The following GABRG3 variants were observed in gnomAD, a reference collection of about 807,000 sequenced individuals.
The protein encoded by GABRG3 is gamma-aminobutyric acid receptor subunit gamma-3.
A neutral mutation model predicts 48.8 loss-of-function variants in GABRG3; 25 were observed. The ratio of observed to expected loss-of-function variants is 0.51; its 90% CI spans 0.37 to 0.72. GABRG3 has a LOEUF of 0.72. Among genes scored for constraint, GABRG3 ranks in the 30% least tolerant of loss-of-function variants. GABRG3 has a pLI of 0.00. For missense variants in GABRG3, 394 were observed against 577.9 expected, an observed-to-expected ratio of 0.68 and a Z score of 3.26; for synonymous variants, 227 against 217.6, an observed-to-expected ratio of 1.04 and a Z score of -0.38.
chr15:27,233,500 T>A (rs1358559785), intron 3 of GABRG3, among the ~76,000 whole-genome samples: 1 of 152,050 alleles, frequency 6.6e-6, no homozygotes, highest in Non-Finnish European at 1.5e-5. Flanking sequence ...CCCCTCCAGG[T>A]GTGCAGAAGG....
chr15:27,126,358 T>G (rs950200510), intron 3 of GABRG3, among the ~76,000 whole-genome samples: 11 of 152,236 alleles, frequency 7.2e-5, no homozygotes, highest in African/African-American at 2.7e-4. Flanking sequence ...TTAGGTCTTG[T>G]CTGACTTGGT....
At chr15:27,177,984 C>T (rs960285865) in intron 3 of GABRG3, among the ~76,000 whole-genome samples, 7 of 152,094 alleles carry the variant, frequency 4.6e-5, no homozygotes, top group South Asian at 4.2e-4. Flanking sequence ...GGACTCTTGC[C>T]GGAAGCAGAC....
chr15:27,227,714 A>AT (rs895910254), intron 3 of GABRG3, among the ~76,000 whole-genome samples: 41 of 151,184 alleles, frequency 2.7e-4, no homozygotes, highest in African/African-American at 7.8e-4. Flanking sequence ...AACCATGGCA[A>AT]TTTTTTTTTA....
chr15:27,037,169 T>G (rs1475961397), intron 3 of GABRG3, among the ~76,000 whole-genome samples: 1 of 152,188 alleles, frequency 6.6e-6, no homozygotes, highest in Admixed American at 6.5e-5. Flanking sequence ...GCTGACACCT[T>G]GATCTCGGCC....
At chr15:27,366,418 C>G (rs1895201908) in intron 5 of GABRG3, 1 of 152,160 alleles carries the variant, frequency 6.6e-6, no homozygotes, top group Middle Eastern at 3.2e-3. Flanking sequence ...ATTTCCATGA[C>G]TGGTCTAAAC....
intron 3 of GABRG3, among the ~76,000 whole-genome samples, chr15:27,178,481 G>A (rs1324765471): frequency 3.3e-5 from 5 of 152,140 alleles, no homozygotes; most frequent in African/African-American, 9.7e-5. Flanking sequence ...TGAACTGTAC[G>A]GGGCCAAGGA....
At chr15:27,017,227 T>C (rs1216515503) in intron 2 of GABRG3, among the ~76,000 whole-genome samples, 1 of 152,192 alleles carries the variant, frequency 6.6e-6, no homozygotes, top group Non-Finnish European at 1.5e-5. Flanking sequence ...AAGCCTTTTC[T>C]GGGGATGCGT....
At chr15:27,365,334 C>CACAT (rs1555375084) in intron 5 of GABRG3, 2 of 143,158 alleles carry the variant, frequency 1.4e-5, no homozygotes, top group African/African-American at 5.3e-5. Context: ...CACACACACA[C>CACAT]ACACATATTA....
At chr15:27,311,264 T>C (rs994946064) in intron 3 of GABRG3, among the ~76,000 whole-genome samples, 3 of 151,756 alleles carry the variant, frequency 2.0e-5, no homozygotes, top group Non-Finnish European at 2.9e-5. Flanking sequence ...TCAAAGTCAG[T>C]AGGGAAATTT....
At chr15:27,523,220 A>C (rs553720812) in intron 7 of GABRG3, among the ~76,000 whole-genome samples, 21 of 152,058 alleles carry the variant, frequency 1.4e-4, no homozygotes, top group African/African-American at 5.1e-4. Context: ...CATTTCTGAC[A>C]TGAAAACACA....
chr15:27,440,376 A>G (rs1026197295), intron 5 of GABRG3, among the ~76,000 whole-genome samples: 1 of 152,088 alleles, frequency 6.6e-6, no homozygotes, highest in Admixed American at 6.6e-5. Context: ...TCATCAGTGA[A>G]CCTTTTTTCT....
chr15:27,417,806 C>T (rs1363233699), intron 5 of GABRG3, among the ~76,000 whole-genome samples: 1 of 152,232 alleles, frequency 6.6e-6, no homozygotes, highest in African/African-American at 2.4e-5. Flanking sequence ...GTGCCTGTCA[C>T]TGATATGCGG....
chr15:27,426,754 C>T (rs565691202), intron 5 of GABRG3, among the ~76,000 whole-genome samples: 1 of 152,274 alleles, frequency 6.6e-6, no homozygotes, highest in African/African-American at 2.4e-5. Flanking sequence ...ATCATTTGAG[C>T]CCAAGGCTGT....
intron 3 of GABRG3, among the ~76,000 whole-genome samples, chr15:27,294,547 A>G (rs547995401): frequency 2.0e-5 from 3 of 152,222 alleles, no homozygotes; most frequent in Admixed American, 6.5e-5. Flanking sequence ...TGGTTCACCA[A>G]TGTCATTTCT....
intron 3 of GABRG3, among the ~76,000 whole-genome samples, chr15:27,255,248 T>C (rs1890576617): frequency 6.6e-6 from 1 of 152,200 alleles, no homozygotes; most frequent in South Asian, 2.1e-4. Flanking sequence ...CTTCTGCCTC[T>C]TACCCCCTGG....
intron 5 of GABRG3, among the ~76,000 whole-genome samples, chr15:27,466,335 C>T (rs1322599778): frequency 6.6e-6 from 1 of 152,162 alleles, no homozygotes; most frequent in Non-Finnish European, 1.5e-5. Flanking sequence ...GAGTCAATTC[C>T]AAGCCCTGGG....
chr15:27,123,564 A>G (rs1396561324), intron 3 of GABRG3, among the ~76,000 whole-genome samples: 1 of 152,206 alleles, frequency 6.6e-6, no homozygotes, highest in Non-Finnish European at 1.5e-5. Flanking sequence ...TCTGTTGTTT[A>G]TAAGTTAATC....
intron 2 of GABRG3, among the ~76,000 whole-genome samples, chr15:26,983,108 G>T (rs1895083448): frequency 6.6e-6 from 1 of 151,544 alleles, no homozygotes; most frequent in African/African-American, 2.4e-5. Context: ...TGCTTTAAAA[G>T]AGAACTTCCT....
At chr15:27,218,157 A>G (rs1487651201) in intron 3 of GABRG3, among the ~76,000 whole-genome samples, 3 of 151,680 alleles carry the variant, frequency 2.0e-5, no homozygotes, top group Non-Finnish European at 4.4e-5. Context: ...CTACCTACAG[A>G]TGTGTGCTAC....
Sources: gnomAD v4.1 joint callset for allele counts (sites outside exome capture counted in the v4.1 genomes callset) on GRCh38, gnomAD v4.1.1 for gene constraint, MANE v1.5 for transcripts, NCBI Gene and HGNC (gene_info 2026-07-23, HGNC 2026-07-21) for gene names.